PTPRG: variants seen among roughly 807,000 people sequenced by gnomAD.
PTPRG encodes the protein receptor-type tyrosine-protein phosphatase gamma.
A neutral mutation model predicts 165.3 loss-of-function variants in PTPRG; 102 were observed. The ratio of observed to expected loss-of-function variants is 0.62; its 90% confidence interval spans 0.53 to 0.73. PTPRG has a LOEUF of 0.73. PTPRG is among the 30% of genes least tolerant of loss of function. The pLI, the probability that PTPRG is intolerant of heterozygous loss-of-function variation, is 0.00. For synonymous variants in PTPRG, 675 were observed against 669.5 expected, an observed-to-expected ratio of 1.01 and a Z score of -0.13; for missense variants, 1,866 against 1,861.4, an observed-to-expected ratio of 1.00 and a Z score of -0.05.
At chr3:61,563,156 CCGGGGCGG>C (rs1269759966) in intron 1 of PTPRG, among the ~76,000 whole-genome samples, 5 of 16,266 alleles carry the variant, frequency 3.1e-4, no homozygotes, top group Non-Finnish European at 7.0e-4. Flanking sequence ...GTTTCGGCGG[CCGGGGCGG>C]TTTCGGCGGC....
intron 2 of PTPRG, among the ~76,000 whole-genome samples, chr3:61,901,049 T>C (rs552588532): frequency 1.4e-3 from 218 of 152,336 alleles, no homozygotes; most frequent in Non-Finnish European, 2.4e-3. Context: ...CTGAGCGCTC[T>C]TAATCTGCTG....
chr3:61,853,038 G>C (rs555801643), intron 2 of PTPRG, among the ~76,000 whole-genome samples: 4 of 152,306 alleles, frequency 2.6e-5, no homozygotes, highest in Non-Finnish European at 4.4e-5. Flanking sequence ...AACAGCTGTT[G>C]TGTTACATGC....
intron 8 of PTPRG, among the ~76,000 whole-genome samples, chr3:62,169,212 G>T (rs1218519252): frequency 6.6e-6 from 1 of 152,078 alleles, no homozygotes; most frequent in Non-Finnish European, 1.5e-5. Flanking sequence ...AAATTTGAGG[G>T]TGGGGCCTTT....
intron 1 of PTPRG, among the ~76,000 whole-genome samples, chr3:61,735,686 A>G (rs939140447): frequency 3.9e-5 from 6 of 152,286 alleles, no homozygotes; most frequent in East Asian, 3.9e-4. Flanking sequence ...TACCCAAAGC[A>G]TATTTGTCCC....
intron 2 of PTPRG, among the ~76,000 whole-genome samples, chr3:61,928,378 C>T (rs2039277786): frequency 6.6e-6 from 1 of 152,116 alleles, no homozygotes; most frequent in Non-Finnish European, 1.5e-5. Context: ...GGAATGAAAC[C>T]CTATCACATT....
intron 4 of PTPRG, among the ~76,000 whole-genome samples, chr3:62,037,818 C>G (rs1055503398): frequency 1.3e-5 from 2 of 152,156 alleles, no homozygotes; most frequent in African/African-American, 2.4e-5. Flanking sequence ...CCTGGGGAGA[C>G]AGCAAGTTCT....
At chr3:61,998,450 C>G (rs1003944073) in intron 3 of PTPRG, among the ~76,000 whole-genome samples, 1 of 152,208 alleles carries the variant, frequency 6.6e-6, no homozygotes, top group Non-Finnish European at 1.5e-5. Flanking sequence ...CTTAACAAAC[C>G]TGTGAAGTAG....
At chr3:61,606,781 G>T (rs1432921774) in intron 1 of PTPRG, among the ~76,000 whole-genome samples, 1 of 152,134 alleles carries the variant, frequency 6.6e-6, no homozygotes, top group Non-Finnish European at 1.5e-5. Context: ...TTTTATAAGG[G>T]CCTTAATTTT....
intron 1 of PTPRG, among the ~76,000 whole-genome samples, chr3:61,612,238 G>A (rs745667611): frequency 2.6e-5 from 4 of 152,170 alleles, no homozygotes; most frequent in Non-Finnish European, 5.9e-5. Context: ...GAGCTACCAC[G>A]CCTGGCCACT....
chr3:61,901,058 T>C (rs2038487152), intron 2 of PTPRG, among the ~76,000 whole-genome samples: 2 of 152,212 alleles, frequency 1.3e-5, no homozygotes, highest in African/African-American at 4.8e-5. Context: ...CTTAATCTGC[T>C]GACAAAGGCA....
At chr3:61,995,649 G>A (rs2041016164) in intron 3 of PTPRG, among the ~76,000 whole-genome samples, 1 of 151,422 alleles carries the variant, frequency 6.6e-6, no homozygotes, top group African/African-American at 2.4e-5. Flanking sequence ...ATATGTTTCT[G>A]ATAGTCTAGG....
At chr3:62,191,389 G>T (rs1699814718) in intron 8 of PTPRG, 80 bp from the exon 9 acceptor site, 6 of 1,360,048 alleles carry the variant, frequency 4.4e-6, no homozygotes, top group Non-Finnish European at 6.0e-6. Context: ...TCAACTTTTT[G>T]AGGCTGCAGT....
chr3:62,198,232 T>C (rs1048149476), intron 10 of PTPRG, among the ~76,000 whole-genome samples: 1 of 152,194 alleles, frequency 6.6e-6, no homozygotes, highest in African/African-American at 2.4e-5. Flanking sequence ...ACATAAGTTA[T>C]TTCATCTGAA....
intron 1 of PTPRG, among the ~76,000 whole-genome samples, chr3:61,720,204 G>C (rs2031989587): frequency 6.6e-6 from 1 of 151,210 alleles, no homozygotes; most frequent in Admixed American, 6.6e-5. Context: ...GCTCACCACT[G>C]CCTCCACCTC....
chr3:62,262,317 T>TA (rs774929786), intron 16 of PTPRG: 2 of 152,488 alleles, frequency 1.3e-5, no homozygotes, highest in East Asian at 1.9e-4. Flanking sequence ...AATGAGGCTA[T>TA]AAGGCCTGTA....
chr3:62,082,314 A>G (rs1701609638), intron 5 of PTPRG, among the ~76,000 whole-genome samples: 1 of 152,140 alleles, frequency 6.6e-6, no homozygotes, highest in South Asian at 2.1e-4. Flanking sequence ...TATGAAGTTC[A>G]TAATGTTGCC....
chr3:62,269,348 A>ATCTAATAGAATTTAACTGG (rs1701986873), intron 20 of PTPRG, among the ~76,000 whole-genome samples, 179 bp downstream of exon 20: 1 of 152,162 alleles, frequency 6.6e-6, no homozygotes, highest in Non-Finnish European at 1.5e-5. Flanking sequence ...TTGGCAAAGC[A>ATCTAATAGAATTTAACTGG]TCTAATAGAA....
At chr3:62,000,281 CAA>C (rs5849454) in intron 3 of PTPRG, among the ~76,000 whole-genome samples, 1,988 of 102,510 alleles carry the variant, frequency 0.019, 19 homozygotes, top group African/African-American at 0.035. Context: ...ACTCTGTCTC[CAA>C]AAAAAAAAAA....
intron 2 of PTPRG, among the ~76,000 whole-genome samples, chr3:61,800,611 G>A (rs1483896071): frequency 6.6e-6 from 1 of 151,762 alleles, no homozygotes; most frequent in African/African-American, 2.4e-5. Flanking sequence ...AATAGGTGTG[G>A]AGAAAGAAGG....
Sources: gnomAD v4.1 joint callset for allele counts (sites outside exome capture counted in the v4.1 genomes callset) on GRCh38, gnomAD v4.1.1 for gene constraint, MANE v1.5 for transcripts, NCBI Gene and HGNC (gene_info 2026-07-23, HGNC 2026-07-21) for gene names.